The following PCLO variants were observed in gnomAD, a reference collection of about 807,000 sequenced individuals.
PCLO encodes the protein piccolo presynaptic cytomatrix protein, also known as protein piccolo.
PCLO carries 82 observed loss-of-function variants against 427.5 expected under a neutral mutation model. The observed-to-expected ratio is 0.19, with a 90% CI of 0.16 to 0.23. The LOEUF (loss-of-function observed/expected upper bound fraction) is 0.23. PCLO is among the 10% of genes least tolerant of loss of function. PCLO has a pLI of 1.00. For missense variants in PCLO, 6,239 were observed against 6,115.9 expected, an observed-to-expected ratio of 1.02 and a Z score of -0.67; for synonymous variants, 2,357 against 2,155.4, an observed-to-expected ratio of 1.09 and a Z score of -2.59.
intron 24 of PCLO, among the ~76,000 whole-genome samples, chr7:82,759,654 A>G (rs1790389090): frequency 6.6e-6 from 1 of 151,886 alleles, no homozygotes; most frequent in Non-Finnish European, 1.5e-5. Flanking sequence ...TCTTCTCAAT[A>G]CATTTTTGCT....
chr7:83,077,029 T>C (rs1789972964), intron 3 of PCLO, among the ~76,000 whole-genome samples: 1 of 151,504 alleles, frequency 6.6e-6, no homozygotes. Context: ...TTGATATATA[T>C]ATATATTTTG....
chr7:82,822,275 A>C (rs1460282216), intron 20 of PCLO: 8 of 1,393,160 alleles, frequency 5.7e-6, no homozygotes. Context: ...GAAACAAAGG[A>C]GAAACAGCCA....
At chr7:82,830,948 T>C (rs1241925082) in intron 16 of PCLO, among the ~76,000 whole-genome samples, 1 of 152,064 alleles carries the variant, frequency 6.6e-6, no homozygotes, top group Non-Finnish European at 1.5e-5. Flanking sequence ...GCCAACTCTG[T>C]ATCAGGAATT....
intron 21 of PCLO, among the ~76,000 whole-genome samples, chr7:82,801,900 A>T (rs1165326513): frequency 6.6e-6 from 1 of 152,144 alleles, no homozygotes; most frequent in Admixed American, 6.5e-5. Flanking sequence ...CATGACATTT[A>T]GAAATTTTGT....
chr7:82,850,383 T>G lies in PCLO; in HGVS notation c.13655-3136A>C, dbSNP rs6956848. Among the ~76,000 whole-genome samples, 1,423 of 152,238 alleles carry G rather than the reference T, an allele frequency of 9.3e-3. 30 individuals are homozygous for G. The highest frequency in any genetic ancestry group is 0.032 in the African/African-American group (1,340 of 41,558). On this transcript the variant is annotated intron_variant, in intron 10 of 24. Transcript: ENST00000333891. Reference sequence around the variant, plus strand: ...ATGTAGCATCGATGATAGGATTTGTTGCAAAGTCTTTTGCTTAATAGGCTA... The same window carrying G: ...ATGTAGCATCGATGATAGGATTTGTGGCAAAGTCTTTTGCTTAATAGGCTA...
chr7:83,031,518 T>C (rs1788664321), intron 3 of PCLO, among the ~76,000 whole-genome samples: 1 of 152,122 alleles, frequency 6.6e-6, no homozygotes, highest in African/African-American at 2.4e-5. Flanking sequence ...CATCTCCTCA[T>C]TGATAAAATA....
At chr7:83,100,935 T>C (rs989849761) in intron 3 of PCLO, among the ~76,000 whole-genome samples, 3 of 152,146 alleles carry the variant, frequency 2.0e-5, no homozygotes, top group Non-Finnish European at 4.4e-5. Context: ...TTCATTTTTA[T>C]AGTAGTTTGG....
At chr7:82,906,539 C>T (rs932494084) in intron 8 of PCLO, among the ~76,000 whole-genome samples, 1 of 151,866 alleles carries the variant, frequency 6.6e-6, no homozygotes, top group Non-Finnish European at 1.5e-5. Flanking sequence ...AACTTTTGAA[C>T]TTCATGTAAA....
chr7:82,999,757 ATATAAAATATAATATATAATATTAT>A (rs1787761412), intron 3 of PCLO, among the ~76,000 whole-genome samples: 2 of 121,694 alleles, frequency 1.6e-5, no homozygotes, highest in Non-Finnish European at 3.3e-5. Flanking sequence ...ATAATATTAT[ATATAAAATATAATATATAATATTAT>A]ATATAAAATA....
At position 82,954,072 on chromosome 7, in the gene PCLO, A is replaced by C. The variant is rs10487647; in HGVS notation, c.6881T>G (p.Leu2294Arg). 1.2e-6 allele frequency: 2 copies of C among 1,613,666 alleles called. No homozygotes were observed. The highest frequency in any genetic ancestry group is 1.7e-6 in the Non-Finnish European group (2 of 1,179,848). The change falls in exon 5 of 25, where the codon CTT (leucine) becomes CGT (arginine). Residue 2294 changes from leucine to arginine, a missense_variant. Leu to Arg is a moderately radical substitution (Grantham distance 102). Coordinates refer to ENST00000333891, the MANE Select transcript of PCLO (RefSeq NM_033026.6). The part of the protein sequence containing the change: ...PVADTVSTDL[L>R]ISEKDPVKKA... Reference sequence around the variant, plus strand: ...CTTCACTGGGTCCTTTTCAGATATAAGTAAGTCAGTAGAAACAGTGTCAGC... The same window carrying C: ...CTTCACTGGGTCCTTTTCAGATATACGTAAGTCAGTAGAAACAGTGTCAGC...
At chr7:82,805,528 T>C (rs1791438749) in intron 21 of PCLO, among the ~76,000 whole-genome samples, 160 bp downstream of exon 21, 1 of 152,176 alleles carries the variant, frequency 6.6e-6, no homozygotes, top group African/African-American at 2.4e-5. Flanking sequence ...ATCCAATCTT[T>C]CTTGAACTAT....
chr7:83,054,083 A>G (rs572297096), intron 3 of PCLO, among the ~76,000 whole-genome samples: 3 of 152,112 alleles, frequency 2.0e-5, no homozygotes, highest in Admixed American at 6.5e-5. Context: ...TGGTTCAAAA[A>G]TTTTCAATAG....
At chr7:82,827,813 T>TAAGTACA (rs1375487342) in intron 17 of PCLO, 60 bp downstream of exon 17, 1 of 928,960 alleles carries the variant, frequency 1.1e-6, no homozygotes, top group African/African-American at 1.7e-5. Context: ...TTTGAATAAT[T>TAAGTACA]GTGTTATCAC....
intron 3 of PCLO, among the ~76,000 whole-genome samples, chr7:83,074,876 T>G (rs2116370685): frequency 6.6e-6 from 1 of 152,286 alleles, no homozygotes; most frequent in Non-Finnish European, 1.5e-5. Flanking sequence ...GAAAAATTTC[T>G]TTAGGTTTTA....
At position 82,755,055 on chromosome 7, in the gene PCLO, T is replaced by C. The variant is rs1790287755; in HGVS notation, c.*3520A>G. ...AATTTCTAATAAATTGGGCACAATA[T>C]AATATATACTTTTATTTTACTTCAC... is the stretch of plus-strand genomic sequence containing the variant. On this transcript the variant is annotated 3_prime_UTR_variant, in exon 25 of 25. Coordinates refer to ENST00000333891, the MANE Select transcript of PCLO (RefSeq NM_033026.6). The C allele has an allele frequency of 2.6e-5, 4 of 152,098 alleles. No individual in the cohort carries two copies. Among genetic ancestry groups the C allele is most frequent in the Admixed American group, 2.6e-4 (4 of 15,260 alleles). 9.4% of individuals were successfully genotyped at this position (152,098 alleles called of 1,614,324 possible).
intron 6 of PCLO, among the ~76,000 whole-genome samples, chr7:82,939,967 T>C (rs1276153014): frequency 6.6e-6 from 1 of 152,036 alleles, no homozygotes; most frequent in Non-Finnish European, 1.5e-5. Flanking sequence ...GGACAAGAAA[T>C]ACTTTATGCA....
intron 10 of PCLO, among the ~76,000 whole-genome samples, chr7:82,865,653 T>TA (rs1279960403): frequency 6.6e-6 from 1 of 152,098 alleles, no homozygotes; most frequent in South Asian, 2.1e-4. Context: ...TTTAAGTTTT[T>TA]AAAAAATGGT....
chr7:83,134,554 T>G lies in PCLO; in HGVS notation c.2996A>C (p.Glu999Ala). ...APAKSIPVKKETKAPAAEKLE... is the reference protein window; with the variant it reads ...APAKSIPVKKATKAPAAEKLE... ...TTTTTCAGCTGCTGGGGCTTTTGTTTCCTTTTTCACAGGTATACTTTTTGC... is the reference window on the plus strand; with the variant it reads ...TTTTTCAGCTGCTGGGGCTTTTGTTGCCTTTTTCACAGGTATACTTTTTGC... Residue 999 changes from glutamate to alanine, a missense_variant, in exon 3 of 25, where the codon GAA becomes GCA. Coordinates refer to ENST00000333891, the MANE Select transcript of PCLO (RefSeq NM_033026.6). 1 of 1,613,952 alleles carries G rather than the reference T, an allele frequency of 6.2e-7. No individual in the cohort carries two copies. The highest frequency in any genetic ancestry group is 1.1e-5 in the South Asian group (1 of 91,072).
rs1791666880 is a variant in PCLO at position 83,134,626 on chromosome 7, G to A, written c.2924C>T (p.Thr975Ile). The A allele has an allele frequency of 1.2e-6, 2 of 1,613,792 alleles. No homozygotes were observed. Among genetic ancestry groups the A allele is most frequent in the African/African-American group, 1.3e-5 (1 of 74,900 alleles). ...TGTGGATTTGGGTGGCCCTTGTGAAGTAGGTGGCTGTGAAGGGGCAGGGGC... is the reference window on the plus strand; with the variant it reads ...TGTGGATTTGGGTGGCCCTTGTGAAATAGGTGGCTGTGAAGGGGCAGGGGC... ...KQAPAPSQPP[T>I]SQGPPKSTGQ... The change falls in exon 3 of 25, where the codon ACT becomes ATT. Residue 975 changes from threonine to isoleucine, a missense_variant. Around this residue, in one of 5 missense-constraint regions of PCLO, gnomAD observed 4,677 missense variants for 4,468.4 expected, o/e 1.05. Coordinates refer to ENST00000333891, the MANE Select transcript of PCLO (RefSeq NM_033026.6).
Sources: gnomAD v4.1 joint callset for allele counts (sites outside exome capture counted in the v4.1 genomes callset) on GRCh38, gnomAD v4.1.1 for gene constraint, gnomAD v4.1.1 regional missense constraint, MANE v1.5 for transcripts, NCBI Gene and HGNC (gene_info 2026-07-23, HGNC 2026-07-21) for gene names.